The following ENPP2 variants were observed in gnomAD, a reference collection of about 807,000 sequenced individuals.
ENPP2 encodes autotaxin.
A neutral mutation model predicts 120.2 loss-of-function variants in ENPP2; 51 were observed. The ratio of observed to expected loss-of-function variants is 0.42; its 90% CI spans 0.34 to 0.54. The LOEUF (loss-of-function observed/expected upper bound fraction) is 0.54. Ranked by LOEUF, ENPP2 falls within the 20% of genes least tolerant of loss-of-function variation. The pLI is 0.04. For synonymous variants in ENPP2, 365 were observed against 366.4 expected, an observed-to-expected ratio of 1.00 and a Z score of 0.04; for missense variants, 920 against 1,066.5, an observed-to-expected ratio of 0.86 and a Z score of 1.91.
chr8:119,589,044 C>T (rs1813317757), intron 13 of ENPP2, among the ~76,000 whole-genome samples: 1 of 152,136 alleles, frequency 6.6e-6, no homozygotes, highest in Non-Finnish European at 1.5e-5. Flanking sequence ...TCACACAATG[C>T]TATTAAAAGG....
intron 9 of ENPP2, among the ~76,000 whole-genome samples, chr8:119,602,057 G>A (rs530989970): frequency 7.9e-5 from 12 of 152,178 alleles, no homozygotes; most frequent in African/African-American, 1.9e-4. Flanking sequence ...TCTAAATAAT[G>A]GTATGACTTT....
At chr8:119,634,181 T>A (rs72688236) in intron 2 of ENPP2, among the ~76,000 whole-genome samples, 1 of 141,208 alleles carries the variant, frequency 7.1e-6, no homozygotes, top group Non-Finnish European at 1.5e-5. Flanking sequence ...AGACTCTCTC[T>A]CAAAAAATAA....
At chr8:119,562,673 TAA>T (rs979202871) in intron 24 of ENPP2, among the ~76,000 whole-genome samples, 182 bp downstream of exon 24, 49 of 152,130 alleles carry the variant, frequency 3.2e-4, no homozygotes, top group African/African-American at 1.1e-3. Flanking sequence ...TATTGAAAAA[TAA>T]AGAGTCATTA....
At chr8:119,670,569 T>C (rs565692564) in intron 1 of ENPP2, among the ~76,000 whole-genome samples, 1 of 152,216 alleles carries the variant, frequency 6.6e-6, no homozygotes, top group East Asian at 1.9e-4. Flanking sequence ...TAATAAAGAA[T>C]GGTAAGTGCT....
At chr8:119,662,047 G>C (rs996942791) in intron 1 of ENPP2, among the ~76,000 whole-genome samples, 6 of 151,992 alleles carry the variant, frequency 3.9e-5, no homozygotes, top group African/African-American at 1.4e-4. Context: ...ATGGTCAAAG[G>C]GTACAAAGTT....
intron 11 of ENPP2, chr8:119,596,121 A>T (rs1813879304): frequency 2.3e-6 from 2 of 888,188 alleles, no homozygotes; most frequent in African/African-American, 3.4e-5. Flanking sequence ...AGGCTCCTTA[A>T]GTGAGAAAAA....
At position 119,609,107 on chromosome 8, in the gene ENPP2, C is replaced by T. The variant is rs117213185; in HGVS notation, c.778-1130G>A. 1.5e-3 allele frequency among the ~76,000 whole-genome samples: 226 copies of T among 152,280 alleles called. 2 individuals carry two copies. Among genetic ancestry groups the T allele is most frequent in the Middle Eastern group, 3.4e-3 (1 of 294 alleles). On this transcript the variant is annotated intron_variant, in intron 8 of 24. Coordinates refer to ENST00000075322, the MANE Select transcript of ENPP2 (RefSeq NM_001040092.3). ...ATTGTCACCAGCCTTTGAGAGTATCCTTAAAGAGTGACAACTTATTTTTTG... is the reference window on the plus strand; with the variant it reads ...ATTGTCACCAGCCTTTGAGAGTATCTTTAAAGAGTGACAACTTATTTTTTG...
intron 2 of ENPP2, among the ~76,000 whole-genome samples, chr8:119,632,787 C>T (rs897500385): frequency 1.3e-5 from 2 of 152,010 alleles, no homozygotes; most frequent in African/African-American, 4.8e-5. Flanking sequence ...ATTCTAGTGC[C>T]GGCCGGGCAC....
chr8:119,564,318 G>C (rs1387000455), intron 23 of ENPP2, among the ~76,000 whole-genome samples: 3 of 151,960 alleles, frequency 2.0e-5, no homozygotes, highest in South Asian at 2.1e-4. Context: ...GAATAAAAAA[G>C]TGCATTTATT....
intron 11 of ENPP2, chr8:119,595,841 A>G (rs1276587814): frequency 6.2e-7 from 1 of 1,613,632 alleles, no homozygotes; most frequent in Non-Finnish European, 8.5e-7. Flanking sequence ...CAATAGATAA[A>G]CTTACTTTGT....
At chr8:119,658,054 T>C (rs908510486) in intron 1 of ENPP2, among the ~76,000 whole-genome samples, 3 of 152,256 alleles carry the variant, frequency 2.0e-5, no homozygotes, top group Non-Finnish European at 2.9e-5. Context: ...ATATAGATGC[T>C]TGCAGAGGAA....
At chr8:119,641,898 A>G (rs142803228), upstream of ENPP2, among the ~76,000 whole-genome samples, 573 of 152,310 alleles carry the variant, frequency 3.8e-3, 6 homozygotes, top group African/African-American at 0.013. Context: ...TGGCAGGAAA[A>G]TTCAACATAG....
chr8:119,662,927 A>G (rs1817962732), intron 1 of ENPP2, among the ~76,000 whole-genome samples: 1 of 152,182 alleles, frequency 6.6e-6, no homozygotes, highest in Non-Finnish European at 1.5e-5. Context: ...CCTGGCCAAC[A>G]TGGTGAAACC....
chr8:119,616,420 A>G lies in ENPP2; in HGVS notation c.658-36T>C, dbSNP rs1365037163. The stretch of plus-strand genomic sequence containing the variant: ...AAGCAAATTTATTGTTAAAATAACA[A>G]TACAATAATCCACATACATTAGTTC... On this transcript the variant is annotated intron_variant, in intron 7 of 24. Coordinates refer to ENST00000075322, the MANE Select transcript of ENPP2 (RefSeq NM_001040092.3). 10 of 1,507,074 alleles carry G rather than the reference A, an allele frequency of 6.6e-6. No individual in the cohort carries two copies. The East Asian group carries it at 9.1e-5, about 14-fold the overall frequency. 93.4% of individuals were successfully genotyped at this position (1,507,074 alleles called of 1,614,324 possible). A position where few individuals can be genotyped will look rare whatever the true frequency, so the allele number is the denominator to read the frequency against.
rs546560822 is a variant in ENPP2, at chr8:119,647,372, CA to C, written c.22-8846del. On this transcript the variant is annotated intron_variant, in intron 1 of 25. Coordinates refer to the ENPP2 transcript ENST00000427067. ...AGGGACCAATTATCCTTGCACTACACAGAGCTTTTCACCCTGCCTGGAATAT... is the reference window on the plus strand; with the variant it reads ...AGGGACCAATTATCCTTGCACTACACGAGCTTTTCACCCTGCCTGGAATAT... 1.6e-4 allele frequency among the ~76,000 whole-genome samples: 24 copies of C among 152,244 alleles called. No homozygotes were observed. In the South Asian group the frequency reaches 5.0e-3, roughly 32 times the overall value.
At chr8:119,672,973 G>C (rs1818295886) in intron 1 of ENPP2, among the ~76,000 whole-genome samples, 1 of 152,214 alleles carries the variant, frequency 6.6e-6, no homozygotes, top group Non-Finnish European at 1.5e-5. Flanking sequence ...GTGGTGAACC[G>C]AGAGTCCTGC....
At chr8:119,591,060 T>C (rs1320788296) in intron 12 of ENPP2, among the ~76,000 whole-genome samples, 1 of 147,050 alleles carries the variant, frequency 6.8e-6, no homozygotes, top group Non-Finnish European at 1.5e-5. Flanking sequence ...GTGGTATAAA[T>C]GGAATATACA....
At chr8:119,604,186 C>T (rs139552191) in intron 9 of ENPP2, among the ~76,000 whole-genome samples, 4,234 of 152,092 alleles carry the variant, frequency 0.028, 193 homozygotes, top group African/African-American at 0.095. Flanking sequence ...TGCCACCACG[C>T]CTGGCTAATT....
exon 1 of ENPP2, chr8:119,673,307 C>T: frequency 6.5e-7 from 1 of 1,534,658 alleles, no homozygotes; most frequent in Non-Finnish European, 8.7e-7. Context: ...CCTGCCCGGG[C>T]GCTGCGGACG....
Sources: gnomAD v4.1 joint callset for allele counts (sites outside exome capture counted in the v4.1 genomes callset) on GRCh38, gnomAD v4.1.1 for gene constraint, MANE v1.5 for transcripts, NCBI Gene and HGNC (gene_info 2026-07-23, HGNC 2026-07-21) for gene names.